The following PSD3 variants were observed in gnomAD, a reference collection of about 807,000 sequenced individuals.
PSD3 encodes PH and SEC7 domain-containing protein 3.
A neutral mutation model predicts 105.5 loss-of-function variants in PSD3; 49 were observed. The observed-to-expected ratio is 0.46, with a 90% confidence interval of 0.37 to 0.59. The LOEUF (loss-of-function observed/expected upper bound fraction) is 0.59, where lower values mean the gene tolerates loss of function less well. Ranked by LOEUF, PSD3 falls within the 20% of genes least tolerant of loss-of-function variation. The pLI is 0.00. For synonymous variants in PSD3, 557 were observed against 457.8 expected, an observed-to-expected ratio of 1.22 and a Z score of -2.77; for missense variants, 1,561 against 1,263.8, an observed-to-expected ratio of 1.24 and a Z score of -3.57.
chr8:18,904,783 C>G (rs940830045), intron 2 of PSD3, among the ~76,000 whole-genome samples: 4 of 152,194 alleles, frequency 2.6e-5, no homozygotes, highest in Non-Finnish European at 5.9e-5. Context: ...GCAACTTTGC[C>G]ATTGCAACCA....
intron 9 of PSD3, among the ~76,000 whole-genome samples, chr8:18,752,597 ATAT>A (rs1712339014): frequency 1.2e-5 from 1 of 85,384 alleles, no homozygotes; most frequent in East Asian, 4.1e-4. Context: ...TATATATTAT[ATAT>A]TATATATAAT....
Position 18,669,334 on chromosome 8 carries a change from G to GT in PSD3, c.2173-13650dup, listed in dbSNP as rs950788691. Among the ~76,000 whole-genome samples the GT allele has an allele frequency of 6.6e-5, 10 of 152,274 alleles. No homozygotes were observed. The East Asian group carries it at 7.7e-4, about 12-fold the overall frequency. ...TGGGACCAAACCCTATATATTGTAT[G>GT]TTTTTTTCCTAGACTTACATGCTTA... is the stretch of plus-strand genomic sequence containing the variant. On this transcript the variant is annotated intron_variant, in intron 9 of 15. Transcript: ENST00000327040.
intron 1 of PSD3, among the ~76,000 whole-genome samples, chr8:19,081,896 G>A (rs1200755006): frequency 1.3e-5 from 2 of 152,060 alleles, no homozygotes; most frequent in African/African-American, 2.4e-5. Context: ...TGTAACCAAC[G>A]TTTCACTTTA....
intron 2 of PSD3, among the ~76,000 whole-genome samples, chr8:18,900,655 T>G (rs1819447081): frequency 6.7e-6 from 1 of 149,750 alleles, no homozygotes; most frequent in African/African-American, 2.5e-5. Flanking sequence ...TTTTTTTTTT[T>G]TTTTTTTTTT....
intron 12 of PSD3, among the ~76,000 whole-genome samples, chr8:18,598,850 T>A (rs1037346851): frequency 2.0e-5 from 3 of 152,010 alleles, no homozygotes; most frequent in Non-Finnish European, 4.4e-5. Context: ...GCAAAAGACA[T>A]ATACACTGAA....
chr8:18,647,219 G>A (rs1423926506), intron 10 of PSD3, among the ~76,000 whole-genome samples: 1 of 152,164 alleles, frequency 6.6e-6, no homozygotes, highest in Non-Finnish European at 1.5e-5. Flanking sequence ...GAAATGAAAA[G>A]CCAAACTACA....
chr8:19,071,387 G>A (rs149013745), intron 1 of PSD3, among the ~76,000 whole-genome samples: 16 of 152,058 alleles, frequency 1.1e-4, no homozygotes, highest in East Asian at 3.9e-4. Flanking sequence ...AATCATATAC[G>A]TTTATGGGGT....
chr8:18,857,926 C>T (rs1344726580), intron 4 of PSD3, among the ~76,000 whole-genome samples: 2 of 152,136 alleles, frequency 1.3e-5, no homozygotes, highest in Admixed American at 6.5e-5. Flanking sequence ...GCATAAGAAA[C>T]AGCATATGAG....
At chr8:18,603,184 A>G (rs954642567) in intron 11 of PSD3, among the ~76,000 whole-genome samples, 6 of 152,194 alleles carry the variant, frequency 3.9e-5, no homozygotes, top group Non-Finnish European at 8.8e-5. Flanking sequence ...TACTGTGCAT[A>G]CTTAAGGTCC....
chr8:18,835,705 G>C (rs1328083460), intron 4 of PSD3, among the ~76,000 whole-genome samples: 1 of 152,224 alleles, frequency 6.6e-6, no homozygotes, highest in African/African-American at 2.4e-5. Flanking sequence ...TGAAGTGGGA[G>C]AGCAGGGCTC....
chr8:18,636,053 T>C (rs1160135594), intron 10 of PSD3, among the ~76,000 whole-genome samples: 1 of 152,024 alleles, frequency 6.6e-6, no homozygotes, highest in Non-Finnish European at 1.5e-5. Flanking sequence ...GAACTTAAAG[T>C]AAAATAAAAT....
chr8:18,623,472 A>G (rs551604887), intron 11 of PSD3, among the ~76,000 whole-genome samples: 158 of 145,264 alleles, frequency 1.1e-3, no homozygotes, highest in African/African-American at 3.9e-3. Context: ...AAAAAAAAAG[A>G]AAAAGGAAAA....
intron 4 of PSD3, among the ~76,000 whole-genome samples, chr8:18,821,684 A>AACACAC (rs10527060): frequency 0.023 from 2,987 of 131,260 alleles, 83 homozygotes; most frequent in African/African-American, 0.055. Context: ...TGACCCCCAC[A>AACACAC]ACACACACAC....
At chr8:19,001,310 G>C (rs769379785) in intron 1 of PSD3, among the ~76,000 whole-genome samples, 1 of 151,610 alleles carries the variant, frequency 6.6e-6, no homozygotes, top group Admixed American at 6.6e-5. Context: ...GCCCAGGCCC[G>C]TAGACTTTAT....
At chr8:18,780,189 C>T (rs1341208685) in intron 8 of PSD3, among the ~76,000 whole-genome samples, 1 of 152,120 alleles carries the variant, frequency 6.6e-6, no homozygotes, top group Non-Finnish European at 1.5e-5. Flanking sequence ...TTCTTTGCCG[C>T]TTTTTGGCTT....
At chr8:18,610,352 A>G (rs1200782555) in intron 11 of PSD3, among the ~76,000 whole-genome samples, 2 of 152,192 alleles carry the variant, frequency 1.3e-5, no homozygotes, top group Admixed American at 1.3e-4. Context: ...TTGTACTTCA[A>G]CCACTCATAC....
chr8:18,840,933 G>A (rs954023274), intron 4 of PSD3, among the ~76,000 whole-genome samples: 1 of 152,190 alleles, frequency 6.6e-6, no homozygotes, highest in Non-Finnish European at 1.5e-5. Context: ...ATCTGGGTGT[G>A]TGTGTGTCTC....
intron 12 of PSD3, among the ~76,000 whole-genome samples, chr8:18,577,084 T>G (rs1176715004): frequency 6.6e-6 from 1 of 152,088 alleles, no homozygotes; most frequent in Non-Finnish European, 1.5e-5. Context: ...TGGGTTACAC[T>G]GTGTAGCAGA....
At chr8:18,558,383 T>G (rs1389673682) in intron 14 of PSD3, among the ~76,000 whole-genome samples, 2 of 152,198 alleles carry the variant, frequency 1.3e-5, no homozygotes, top group East Asian at 1.9e-4. Context: ...AAAGTCATAT[T>G]GAATGATATA....
Sources: allele counts gnomAD v4.1 joint callset (sites outside exome capture counted in the v4.1 genomes callset), GRCh38; gene constraint gnomAD v4.1.1; transcripts MANE v1.5; gene names NCBI Gene and HGNC (gene_info 2026-07-23, HGNC 2026-07-21).